Variants in OR2L13 observed in about 807,000 individuals in gnomAD.
OR2L13 encodes the protein olfactory receptor family 2 subfamily L member 13, also known as olfactory receptor 2L13.
In OR2L13, 14 loss-of-function variants were observed where a neutral mutation model predicts 15.3. That is an observed-to-expected ratio of 0.91 (90% CI 0.60 to 1.43). The LOEUF is 1.43. Among genes scored for constraint, OR2L13 ranks in the 40% most tolerant of loss-of-function variants. OR2L13 has a pLI of 0.00. For synonymous variants in OR2L13, 152 were observed against 142.9 expected (o/e 1.06, Z -0.45); for missense variants, 367 against 387.9 (o/e 0.95, Z 0.45).
At chr1:248,070,912 C>A in the OR2L13 span, among the ~76,000 whole-genome samples, 1 of 152,142 alleles carries the variant, frequency 6.6e-6, no homozygotes, top group Admixed American at 6.5e-5. Flanking sequence ...TACACCCTCC[C>A]AAGACTAAAC....
At chr1:248,002,640 C>A in the OR2L13 span, among the ~76,000 whole-genome samples, 1 of 152,148 alleles carries the variant, frequency 6.6e-6, no homozygotes, top group African/African-American at 2.4e-5. Flanking sequence ...GGGAGGATCA[C>A]GAGGTCAGGA....
chr1:247,984,150 G>A, the OR2L13 span, among the ~76,000 whole-genome samples: 58 of 152,210 alleles, frequency 3.8e-4, no homozygotes, highest in African/African-American at 1.3e-3. Context: ...TGTAGAACGC[G>A]TCTGGTGGAG....
chr1:247,988,871 T>G, the OR2L13 span, among the ~76,000 whole-genome samples: 8 of 152,302 alleles, frequency 5.3e-5, no homozygotes, highest in East Asian at 1.5e-3. Context: ...GCTTCCCTAA[T>G]GCTTAGATTA....
the OR2L13 span, among the ~76,000 whole-genome samples, chr1:248,019,593 C>T: frequency 6.6e-6 from 1 of 152,088 alleles, no homozygotes; most frequent in Non-Finnish European, 1.5e-5. Context: ...TGTAGTTATC[C>T]AGTTTTTCAA....
At chr1:248,065,172 G>C in the OR2L13 span, among the ~76,000 whole-genome samples, 18 of 152,202 alleles carry the variant, frequency 1.2e-4, no homozygotes, top group African/African-American at 4.1e-4. Context: ...ATTGTGCCTC[G>C]TTTTAGCCAT....
chr1:248,041,567 C>T, the OR2L13 span: 3 of 152,116 alleles, frequency 2.0e-5, no homozygotes, highest in Non-Finnish European at 2.9e-5. Flanking sequence ...TCAGAGTGAA[C>T]AGGCAACCTA....
the OR2L13 span, among the ~76,000 whole-genome samples, chr1:248,067,463 T>G: frequency 1.7e-3 from 254 of 152,354 alleles, 1 homozygote; most frequent in African/African-American, 5.7e-3. Flanking sequence ...CTCATATTAT[T>G]CTTTTTGTAG....
the OR2L13 span, among the ~76,000 whole-genome samples, chr1:248,013,024 T>C: frequency 6.6e-6 from 1 of 151,756 alleles, no homozygotes; most frequent in Admixed American, 6.6e-5. Context: ...TATTATCTAT[T>C]TTCATAAGAG....
chr1:248,070,996 C>A, the OR2L13 span, among the ~76,000 whole-genome samples: 3 of 152,214 alleles, frequency 2.0e-5, no homozygotes, highest in East Asian at 3.9e-4. Context: ...AGCTTACCAA[C>A]CAAAAAGAGT....
At chr1:247,958,601 A>G in the OR2L13 span, among the ~76,000 whole-genome samples, 1 of 152,204 alleles carries the variant, frequency 6.6e-6, no homozygotes, top group Admixed American at 6.5e-5. Context: ...GTCTCTACGG[A>G]CTTGCTTTAT....
chr1:248,082,317 G>T, the OR2L13 span, among the ~76,000 whole-genome samples: 3 of 114,406 alleles, frequency 2.6e-5, no homozygotes, highest in African/African-American at 1.0e-4. Flanking sequence ...ACAGGAAGGG[G>T]AATATCACAC....
At chr1:248,093,250 C>T (rs1056463609), upstream of OR2L13, among the ~76,000 whole-genome samples, 1 of 152,084 alleles carries the variant, frequency 6.6e-6, no homozygotes, top group African/African-American at 2.4e-5. Context: ...AGAAAGTCTG[C>T]AGAGAACAAG....
chr1:247,976,984 G>C, the OR2L13 span, among the ~76,000 whole-genome samples: 10 of 152,312 alleles, frequency 6.6e-5, no homozygotes, highest in East Asian at 1.9e-3. Context: ...ATCTACATGA[G>C]GAAGCATGTT....
At chr1:248,026,242 A>G in the OR2L13 span, among the ~76,000 whole-genome samples, 2 of 152,230 alleles carry the variant, frequency 1.3e-5, no homozygotes, top group Non-Finnish European at 2.9e-5. Context: ...TGAATGCCTG[A>G]TCTGCAGTTG....
At chr1:247,977,388 T>G in the OR2L13 span, among the ~76,000 whole-genome samples, 1 of 152,196 alleles carries the variant, frequency 6.6e-6, no homozygotes, top group South Asian at 2.1e-4. Flanking sequence ...TAATGAAACA[T>G]ATTTTACTAC....
At chr1:248,012,188 A>G in the OR2L13 span, among the ~76,000 whole-genome samples, 5 of 152,120 alleles carry the variant, frequency 3.3e-5, no homozygotes, top group African/African-American at 1.2e-4. Context: ...GACCATTCTC[A>G]GGGAGAACAG....
chr1:248,061,916 A>T, the OR2L13 span: 2 of 242,610 alleles, frequency 8.2e-6, no homozygotes, highest in East Asian at 1.6e-4. Flanking sequence ...AAATTGGTCT[A>T]ACTGAAGTTG....
chr1:248,094,935 A>G (rs1243939834), upstream of OR2L13, among the ~76,000 whole-genome samples: 5 of 152,216 alleles, frequency 3.3e-5, no homozygotes, highest in East Asian at 9.6e-4. Flanking sequence ...GAAATCATGT[A>G]CTGGAATATT....
the OR2L13 span, among the ~76,000 whole-genome samples, chr1:248,057,100 A>C: frequency 1.3e-5 from 2 of 152,110 alleles, no homozygotes; most frequent in African/African-American, 4.8e-5. Context: ...GTGCCAAGAC[A>C]AAATTTTGTA....
Sources: gnomAD v4.1 joint callset for allele counts (sites outside exome capture counted in the v4.1 genomes callset) on GRCh38, gnomAD v4.1.1 for gene constraint, MANE v1.5 for transcripts, NCBI Gene and HGNC (gene_info 2026-07-23, HGNC 2026-07-21) for gene names.